Variants in SHB observed in about 807,000 individuals in gnomAD.
SHB encodes the protein SH2 domain-containing adapter protein B.
SHB carries 20 observed loss-of-function variants against 52.3 expected under a neutral mutation model. That is an observed-to-expected ratio of 0.38 (90% CI 0.27 to 0.56). SHB has a LOEUF of 0.56. Among genes scored for constraint, SHB ranks in the 20% least tolerant of loss-of-function variants. The pLI is 0.71. For missense variants in SHB, 825 were observed against 723.3 expected, an observed-to-expected ratio of 1.14 and a Z score of -1.61; for synonymous variants, 397 against 316.5, an observed-to-expected ratio of 1.25 and a Z score of -2.70.
intron 1 of SHB, among the ~76,000 whole-genome samples, chr9:38,018,072 A>G (rs1821237996): frequency 6.6e-6 from 1 of 152,110 alleles, no homozygotes; most frequent in African/African-American, 2.4e-5. Flanking sequence ...TCTCTCTTCA[A>G]CATGAACATG....
At chr9:38,058,996 T>G (rs957266292) in intron 1 of SHB, among the ~76,000 whole-genome samples, 2 of 152,246 alleles carry the variant, frequency 1.3e-5, no homozygotes, top group Non-Finnish European at 2.9e-5. Flanking sequence ...TTTACTTGAC[T>G]CCTGTCATGA....
chr9:37,965,561 G>C, intron 3 of SHB, among the ~76,000 whole-genome samples: 1 of 149,658 alleles, frequency 6.7e-6, no homozygotes, highest in East Asian at 2.0e-4. Flanking sequence ...CCTGAGACCC[G>C]ATTTACTCAA....
rs191280843 is a variant in SHB, at chr9:37,916,307, G to A, written c.*3514C>T. ...GGGTGTCTGTGGGCCAACACCAAAC[G>A]CCAGCCTGCTCTGCTGGCAGGGCTT... is the stretch of plus-strand genomic sequence containing the variant. On this transcript the variant is annotated 3_prime_UTR_variant, in exon 6 of 6. Coordinates refer to ENST00000377707, the MANE Select transcript of SHB (RefSeq NM_003028.3). 2.0e-5 allele frequency among the ~76,000 whole-genome samples: 3 copies of A among 152,364 alleles called. No homozygotes were observed. Among genetic ancestry groups the A allele is most frequent in the East Asian group, 1.9e-4 (1 of 5,192 alleles).
At chr9:37,968,887 G>A (rs999759372) in intron 3 of SHB, among the ~76,000 whole-genome samples, 1 of 152,140 alleles carries the variant, frequency 6.6e-6, no homozygotes, top group Non-Finnish European at 1.5e-5. Flanking sequence ...CAGGGAGTGG[G>A]ACTCTATGGT....
intron 2 of SHB, among the ~76,000 whole-genome samples, chr9:37,997,930 G>A (rs1163591704): frequency 6.6e-6 from 1 of 152,214 alleles, no homozygotes; most frequent in African/African-American, 2.4e-5. Context: ...AGGGGCAGAG[G>A]GCCCTGGGAT....
At chr9:38,057,165 G>A (rs1057357744) in intron 1 of SHB, among the ~76,000 whole-genome samples, 1 of 152,106 alleles carries the variant, frequency 6.6e-6, no homozygotes, top group Non-Finnish European at 1.5e-5. Context: ...GTGAAAACGA[G>A]GAAAAGCCCA....
intron 3 of SHB, among the ~76,000 whole-genome samples, chr9:37,962,513 T>TC (rs886676414): frequency 2.0e-5 from 3 of 151,676 alleles, no homozygotes; most frequent in African/African-American, 7.3e-5. Flanking sequence ...ATCTTTCTTT[T>TC]TTTTTTTTTA....
intron 1 of SHB, among the ~76,000 whole-genome samples, chr9:38,048,599 A>G (rs1821690906): frequency 6.6e-6 from 1 of 152,088 alleles, no homozygotes; most frequent in African/African-American, 2.4e-5. Context: ...GCACTGTTGC[A>G]CTCTAGCCTG....
intron 5 of SHB, among the ~76,000 whole-genome samples, chr9:37,946,736 G>A (rs1414615756): frequency 2.6e-5 from 4 of 152,164 alleles, no homozygotes; most frequent in Non-Finnish European, 5.9e-5. Context: ...TCCTTTCGTG[G>A]AGGCCCCTCC....
At chr9:38,066,545 T>G (rs1821962778) in intron 1 of SHB, among the ~76,000 whole-genome samples, 1 of 152,170 alleles carries the variant, frequency 6.6e-6, no homozygotes, top group South Asian at 2.1e-4. Context: ...GGCTCCCAGC[T>G]AGTCGTCATC....
intron 2 of SHB, among the ~76,000 whole-genome samples, chr9:38,003,612 C>T (rs1309893213): frequency 6.6e-6 from 1 of 152,152 alleles, no homozygotes; most frequent in Non-Finnish European, 1.5e-5. Flanking sequence ...ATGGATTCTC[C>T]ACGAAGACCC....
chr9:38,037,218 G>A (rs571256690), intron 1 of SHB, among the ~76,000 whole-genome samples: 1 of 152,314 alleles, frequency 6.6e-6, no homozygotes, highest in South Asian at 2.1e-4. Flanking sequence ...GAAAGAGATG[G>A]CACACAGGGC....
intron 4 of SHB, 42 bp downstream of exon 4, chr9:37,955,841 T>C: frequency 6.3e-7 from 1 of 1,582,770 alleles, no homozygotes; most frequent in East Asian, 2.3e-5. Context: ...AAAAACTAGG[T>C]GAACTGGGAG....
At chr9:37,921,310 G>A (rs1832177487) in intron 5 of SHB, among the ~76,000 whole-genome samples, 1 of 152,092 alleles carries the variant, frequency 6.6e-6, no homozygotes, top group East Asian at 1.9e-4. Flanking sequence ...CTCCAGCTCC[G>A]CCCCTAGCCG....
intron 4 of SHB, among the ~76,000 whole-genome samples, chr9:37,953,556 G>T (rs1192730280): frequency 1.3e-5 from 2 of 152,084 alleles, no homozygotes; most frequent in Non-Finnish European, 2.9e-5. Context: ...CTGAGCACTG[G>T]AGCACCTTTC....
At chr9:37,929,207 G>C (rs768786862) in intron 5 of SHB, among the ~76,000 whole-genome samples, 2 of 152,238 alleles carry the variant, frequency 1.3e-5, no homozygotes, top group Non-Finnish European at 2.9e-5. Flanking sequence ...GGTAGTCTGA[G>C]GTCTGGACAG....
chr9:37,921,915 C>G (rs1258940558), intron 5 of SHB, among the ~76,000 whole-genome samples: 2 of 152,338 alleles, frequency 1.3e-5, no homozygotes, highest in African/African-American at 4.8e-5. Flanking sequence ...AAAAGCTGAG[C>G]TCTCAGAGCC....
At chr9:38,012,815 G>A (rs947499025) in intron 2 of SHB, among the ~76,000 whole-genome samples, 2 of 148,568 alleles carry the variant, frequency 1.3e-5, no homozygotes, top group Non-Finnish European at 3.0e-5. Flanking sequence ...CAAGTTACAC[G>A]CTCACATACA....
chr9:38,043,971 C>A (rs750562336), intron 1 of SHB, among the ~76,000 whole-genome samples: 4 of 152,252 alleles, frequency 2.6e-5, no homozygotes, highest in Non-Finnish European at 4.4e-5. Context: ...AGGCCTCAAT[C>A]CAGGGCCATG....
Sources: allele counts gnomAD v4.1 joint callset (sites outside exome capture counted in the v4.1 genomes callset), GRCh38; gene constraint gnomAD v4.1.1; transcripts MANE v1.5; gene names NCBI Gene and HGNC (gene_info 2026-07-23, HGNC 2026-07-21).